The following CAP1 variants were observed in gnomAD, a reference collection of about 807,000 sequenced individuals.
CAP1 encodes cyclase associated actin cytoskeleton regulatory protein 1.
In CAP1, 11 loss-of-function variants were observed where a neutral mutation model predicts 58.2. That is an observed-to-expected ratio of 0.19 (90% CI 0.12 to 0.31). The LOEUF (loss-of-function observed/expected upper bound fraction) is 0.31, where lower values mean the gene tolerates loss of function less well. CAP1 is among the 10% of genes least tolerant of loss of function. The pLI, the probability that CAP1 is intolerant of heterozygous loss-of-function variation, is 1.00. For synonymous variants in CAP1, 183 were observed against 213.8 expected (o/e 0.86, Z 1.26); for missense variants, 423 against 587.5 (o/e 0.72, Z 2.89).
intron 8 of CAP1, chr1:40,069,471 C>T: frequency 1.9e-6 from 1 of 517,194 alleles, no homozygotes; most frequent in Non-Finnish European, 3.4e-6. Flanking sequence ...TCCTCACCCA[C>T]AATATACACA....
rs373421529 is a variant in CAP1, at chr1:40,058,976, C to T, written c.-10-361C>T. 2.9e-4 allele frequency among the ~76,000 whole-genome samples: 40 copies of T among 138,304 alleles called. 1 individual carries two copies. In the South Asian group the frequency reaches 8.6e-3, roughly 30 times the overall value. 90.7% of individuals were successfully genotyped at this position (138,304 alleles called of 152,430 possible). A position where few individuals can be genotyped will look rare whatever the true frequency, so the allele number is the denominator to read the frequency against. On this transcript the variant is annotated intron_variant, in intron 1 of 12. Transcript: ENST00000372805. ...CATCCTTCTATTCCTGAATAGTTGT[C>T]GGGAGGCTCAAACTGAGATAATGTA...
At chr1:40,044,921 C>A (rs1437287918) in intron 1 of CAP1, among the ~76,000 whole-genome samples, 2 of 150,944 alleles carry the variant, frequency 1.3e-5, no homozygotes, top group Non-Finnish European at 3.0e-5. Flanking sequence ...TTCAGCCTCC[C>A]GAGTAGCTGG....
intron 6 of CAP1, among the ~76,000 whole-genome samples, chr1:40,065,655 G>T (rs114820752): frequency 2.0e-5 from 3 of 152,192 alleles, no homozygotes; most frequent in African/African-American, 7.2e-5. Context: ...GACTTGAACC[G>T]TAGGCACAAT....
rs1022183104 is a variant in CAP1 at position 40,072,630 on chromosome 1, A to G, written c.*1097A>G. The G allele has an allele frequency of 2.0e-5, 3 of 152,718 alleles. No homozygotes were observed. The highest frequency in any genetic ancestry group is 7.2e-5 in the African/African-American group (3 of 41,458). The allele number at this position is 152,718 out of a possible 1,614,324, so 9.5% of individuals were successfully genotyped here. ...CTTAAAGTTATACAGAAAATAGAAT[A>G]AAGTTAATACCAAACTTGCTTAGTT... On this transcript the variant is annotated 3_prime_UTR_variant, in exon 13 of 13. Coordinates refer to ENST00000372805, the MANE Select transcript of CAP1 (RefSeq NM_006367.4).
chr1:40,044,443 C>G (rs1016958804), intron 1 of CAP1, among the ~76,000 whole-genome samples: 2 of 152,142 alleles, frequency 1.3e-5, no homozygotes, highest in African/African-American at 4.8e-5. Context: ...CAGTTTCTTT[C>G]TTTATTTGTG....
At position 40,042,394 on chromosome 1, in the gene CAP1, G is replaced by A. The variant is rs370634953; in HGVS notation, c.-11+1593G>A. ...TGCCCAGGGTTCCAGGAGGAAATGGGAGGCTAACTCTTGAAATATTTATTT... is the reference window on the plus strand; with the variant it reads ...TGCCCAGGGTTCCAGGAGGAAATGGAAGGCTAACTCTTGAAATATTTATTT... On this transcript the variant is annotated intron_variant, in intron 1 of 12. Transcript: ENST00000372805. Among the ~76,000 whole-genome samples, 87 of 152,324 alleles carry A rather than the reference G, an allele frequency of 5.7e-4. No individual in the cohort carries two copies. In the East Asian group the frequency reaches 9.3e-3, roughly 16 times the overall value.
intron 5 of CAP1, 50 bp downstream of exon 5, chr1:40,064,420 G>T (rs1557691447): frequency 6.2e-7 from 1 of 1,613,156 alleles, no homozygotes; most frequent in Non-Finnish European, 8.5e-7. Flanking sequence ...TTTTAAGAGG[G>T]AAGGCAATAT....
chr1:40,041,221 G>A (rs1645811294), intron 1 of CAP1, among the ~76,000 whole-genome samples: 1 of 152,238 alleles, frequency 6.6e-6, no homozygotes, highest in Non-Finnish European at 1.5e-5. Context: ...TGATCCTGGT[G>A]CCTTAGATAA....
intron 1 of CAP1, among the ~76,000 whole-genome samples, chr1:40,044,280 T>C (rs572312305): frequency 4.6e-5 from 7 of 152,274 alleles, no homozygotes; most frequent in Admixed American, 1.3e-4. Flanking sequence ...TTGTGAAGCA[T>C]TGTGAATCAA....
At chr1:40,047,066 C>T (rs1010998610) in intron 1 of CAP1, among the ~76,000 whole-genome samples, 10 of 152,126 alleles carry the variant, frequency 6.6e-5, no homozygotes, top group African/African-American at 7.2e-5. Context: ...CCATCGCGCC[C>T]GGCCACATTT....
At chr1:40,070,079 A>T in intron 9 of CAP1, 80 bp from the exon 10 acceptor site, 1 of 1,592,266 alleles carries the variant, frequency 6.3e-7, no homozygotes, top group South Asian at 1.1e-5. Context: ...AATTGCAAGA[A>T]CAAAAAGTTT....
chr1:40,070,261 A>G lies in CAP1; in HGVS notation c.1096A>G (p.Lys366Glu). The G allele has an allele frequency of 6.2e-7, 1 of 1,614,234 alleles. No individual in the cohort carries two copies. Among genetic ancestry groups the G allele is most frequent in the Non-Finnish European group, 8.5e-7 (1 of 1,180,038 alleles). ...CAACACGACATTGCAAATCAAGGGC[A>G]AAATTAACTCCATTACAGTAGGTGA... ...CVNTTLQIKG[K>E]INSITVDNCK... The change falls in exon 10 of 13, where the codon AAA becomes GAA. Residue 366 changes from lysine to glutamate, a missense_variant. By Grantham distance (56) the Lys-to-Glu change is moderately conservative (BLOSUM62 1). Coordinates refer to ENST00000372805, the MANE Select transcript of CAP1 (RefSeq NM_006367.4).
chr1:40,051,839 G>C (rs1646386976), intron 1 of CAP1, among the ~76,000 whole-genome samples: 1 of 152,100 alleles, frequency 6.6e-6, no homozygotes, highest in Non-Finnish European at 1.5e-5. Flanking sequence ...AAAGTGCTGG[G>C]ATTACAGGCG....
Position 40,072,153 on chromosome 1 carries a change from G to A in CAP1, c.*620G>A, listed in dbSNP as rs906633096. On this transcript the variant is annotated 3_prime_UTR_variant, in exon 13 of 13. Coordinates refer to ENST00000372805, the MANE Select transcript of CAP1 (RefSeq NM_006367.4). ...AGGAGAGTCTCTGGTACTAGCTGCTGTAGCAGTGCCCTTCATCCAGGGCAG... is the reference window on the plus strand; with the variant it reads ...AGGAGAGTCTCTGGTACTAGCTGCTATAGCAGTGCCCTTCATCCAGGGCAG... The A allele has an allele frequency of 2.5e-6, 1 of 396,592 alleles. No homozygotes were observed. Among genetic ancestry groups the A allele is most frequent in the Non-Finnish European group, 4.4e-6 (1 of 225,168 alleles). 24.6% of individuals were successfully genotyped at this position (396,592 alleles called of 1,614,324 possible).
At chr1:40,063,936 C>T (rs1646963977) in intron 4 of CAP1, among the ~76,000 whole-genome samples, 1 of 152,098 alleles carries the variant, frequency 6.6e-6, no homozygotes, top group African/African-American at 2.4e-5. Flanking sequence ...GAGTGTATGT[C>T]CTCTGAGTGG....
At chr1:40,062,031 C>T (rs564911827) in intron 4 of CAP1, among the ~76,000 whole-genome samples, 3 of 152,236 alleles carry the variant, frequency 2.0e-5, no homozygotes, top group South Asian at 2.1e-4. Context: ...TGTCATTTTG[C>T]ATAGGACTGT....
At chr1:40,066,138 T>C (rs1647067537) in intron 6 of CAP1, 77 bp from the exon 7 acceptor site, 1 of 805,798 alleles carries the variant, frequency 1.2e-6, no homozygotes, top group Non-Finnish European at 2.2e-6. Flanking sequence ...TGTGAGCCCA[T>C]AGGAAAGAAG....
At chr1:40,053,250 A>G (rs1447672322) in intron 1 of CAP1, among the ~76,000 whole-genome samples, 1 of 152,142 alleles carries the variant, frequency 6.6e-6, no homozygotes, top group Non-Finnish European at 1.5e-5. Context: ...GGAAGATGAT[A>G]ATAATGTAAC....
rs1393683912 is a variant in CAP1 at position 40,040,808 on chromosome 1, G to A, written c.-11+7G>A. The stretch of plus-strand genomic sequence containing the variant: ...GGTGAGGCGGAACTCTGAGGTGAGG[G>A]TGTGCAGCTTGGTAGGGATTGGGGT... On this transcript the variant is annotated splice_region_variant and intron_variant, in intron 1 of 12. Coordinates refer to ENST00000372805, the MANE Select transcript of CAP1 (RefSeq NM_006367.4). The A allele has an allele frequency of 6.5e-6, 1 of 153,178 alleles. No individual in the cohort carries two copies. The allele number at this position is 153,178 out of a possible 1,614,324, so 9.5% of individuals were successfully genotyped here.
Sources: allele counts gnomAD v4.1 joint callset (sites outside exome capture counted in the v4.1 genomes callset), GRCh38; gene constraint gnomAD v4.1.1; transcripts MANE v1.5; gene names NCBI Gene and HGNC (gene_info 2026-07-23, HGNC 2026-07-21).